The following ATP8A1 variants were observed in gnomAD, a reference collection of about 807,000 sequenced individuals.
The protein encoded by ATP8A1 is phospholipid-transporting ATPase IA.
In ATP8A1, 90 loss-of-function variants were observed where a neutral mutation model predicts 177.7. The observed-to-expected ratio is 0.51, with a 90% CI of 0.43 to 0.60. The LOEUF (loss-of-function observed/expected upper bound fraction) is 0.60, where lower values mean the gene tolerates loss of function less well. ATP8A1 is among the 20% of genes least tolerant of loss of function. The pLI is 0.00. For missense variants in ATP8A1, 1,072 were observed against 1,392.8 expected, an observed-to-expected ratio of 0.77 and a Z score of 3.67; for synonymous variants, 493 against 485.9, an observed-to-expected ratio of 1.01 and a Z score of -0.19.
At chr4:42,478,113 G>C (rs936408725) in intron 25 of ATP8A1, among the ~76,000 whole-genome samples, 2 of 152,122 alleles carry the variant, frequency 1.3e-5, no homozygotes, top group Non-Finnish European at 2.9e-5. Flanking sequence ...CCAGCCCTTT[G>C]GGAGACTGAG....
At position 42,577,583 on chromosome 4, in the gene ATP8A1, G is replaced by T. The variant is rs148093327; in HGVS notation, c.1128+677C>A. Among the ~76,000 whole-genome samples, 368 of 152,170 alleles carry T rather than the reference G, an allele frequency of 2.4e-3. 3 individuals are homozygous for T. The highest frequency in any genetic ancestry group is 8.4e-3 in the African/African-American group (347 of 41,550). On this transcript the variant is annotated intron_variant, in intron 12 of 36. Coordinates refer to ENST00000381668, the MANE Select transcript of ATP8A1 (RefSeq NM_006095.2). The stretch of plus-strand genomic sequence containing the variant: ...AATTTTCTGGCAGATTAGGCCCACA[G>T]ATTTAATTTAGATAAATTCATTAAT...
chr4:42,497,235 T>A (rs774231316), intron 24 of ATP8A1, among the ~76,000 whole-genome samples: 38 of 152,184 alleles, frequency 2.5e-4, no homozygotes, highest in African/African-American at 7.0e-4. Flanking sequence ...AAAGTCTCTA[T>A]CTGGAACTGA....
Position 42,524,745 on chromosome 4 carries a change from TTGCCAAATTACAC to T in ATP8A1, c.1807+5_1807+17del. ...TTCTTTGTATTTTAATCATGCTTTATTGCCAAATTACACTTACCTTCTGTAGCAAACTGCTCTA... is the reference window on the plus strand; with the variant it reads ...TTCTTTGTATTTTAATCATGCTTTATTTACCTTCTGTAGCAAACTGCTCTA... On this transcript the variant is annotated splice_donor_5th_base_variant and intron_variant, in intron 21 of 36. Coordinates refer to ENST00000381668, the MANE Select transcript of ATP8A1 (RefSeq NM_006095.2). 1 of 1,535,834 alleles carries T rather than the reference TTGCCAAATTACAC, an allele frequency of 6.5e-7. No homozygotes were observed. Among genetic ancestry groups the T allele is most frequent in the Non-Finnish European group, 9.0e-7 (1 of 1,115,670 alleles).
At chr4:42,588,406 A>T in intron 7 of ATP8A1, 77 bp from the exon 8 acceptor site, 1 of 1,223,690 alleles carries the variant, frequency 8.2e-7, no homozygotes, top group South Asian at 1.3e-5. Flanking sequence ...AAATGCTCAG[A>T]CTCACTAAAG....
At chr4:42,471,954 C>A in intron 25 of ATP8A1, 1 of 686,736 alleles carries the variant, frequency 1.5e-6, no homozygotes, top group Non-Finnish European at 2.8e-6. Context: ...TTACAGCAGC[C>A]AAAGAGCCTA....
chr4:42,430,951 C>T (rs192320019), intron 33 of ATP8A1, among the ~76,000 whole-genome samples: 2 of 152,032 alleles, frequency 1.3e-5, no homozygotes, highest in South Asian at 2.1e-4. Flanking sequence ...CCCCACCCCA[C>T]CCCATCCTCT....
At chr4:42,594,902 T>C (rs1734574885) in intron 6 of ATP8A1, among the ~76,000 whole-genome samples, 1 of 152,284 alleles carries the variant, frequency 6.6e-6, no homozygotes, top group Non-Finnish European at 1.5e-5. Flanking sequence ...TGCATAATTT[T>C]GTGAAACTAT....
intron 6 of ATP8A1, among the ~76,000 whole-genome samples, chr4:42,599,519 G>A (rs1045627897): frequency 2.6e-5 from 4 of 152,084 alleles, no homozygotes; most frequent in Non-Finnish European, 5.9e-5. Context: ...TATGAAAGAG[G>A]AGATGTCAGT....
chr4:42,516,814 A>C (rs1725586916), intron 22 of ATP8A1, among the ~76,000 whole-genome samples: 1 of 152,220 alleles, frequency 6.6e-6, no homozygotes, highest in South Asian at 2.1e-4. Context: ...AAGTTAGAAT[A>C]AAAGTAAACA....
At chr4:42,450,670 A>G (rs1164835691) in intron 30 of ATP8A1, among the ~76,000 whole-genome samples, 2 of 152,208 alleles carry the variant, frequency 1.3e-5, no homozygotes, top group Non-Finnish European at 2.9e-5. Flanking sequence ...CTTAGCTAGA[A>G]TATGAAACCA....
At position 42,435,766 on chromosome 4, in the gene ATP8A1, T is replaced by C. The variant is rs146649978; in HGVS notation, c.3123+7799A>G. ...TGAGCGTGAAATGCTCTTCTTCATA[T>C]GACAGGTATTCATTCCTGCATCATG... On this transcript the variant is annotated intron_variant, in intron 33 of 36. Coordinates refer to ENST00000381668, the MANE Select transcript of ATP8A1 (RefSeq NM_006095.2). 2.8e-3 allele frequency among the ~76,000 whole-genome samples: 425 copies of C among 152,326 alleles called. 1 individual carries two copies. The highest frequency in any genetic ancestry group is 9.6e-3 in the African/African-American group (398 of 41,572).
At chr4:42,515,309 G>A (rs1725422754) in intron 22 of ATP8A1, among the ~76,000 whole-genome samples, 1 of 152,192 alleles carries the variant, frequency 6.6e-6, no homozygotes, top group African/African-American at 2.4e-5. Context: ...GATATGTGCA[G>A]CTACTAAGAA....
intron 25 of ATP8A1, among the ~76,000 whole-genome samples, chr4:42,479,830 T>C (rs1269757355): frequency 6.6e-6 from 1 of 152,152 alleles, no homozygotes; most frequent in African/African-American, 2.4e-5. Context: ...GGGAGGCTCC[T>C]CAACTAAAGG....
intron 10 of ATP8A1, among the ~76,000 whole-genome samples, chr4:42,581,337 G>T (rs988207148): frequency 1.3e-5 from 2 of 152,140 alleles, no homozygotes; most frequent in African/African-American, 2.4e-5. Flanking sequence ...CTTTCACCGT[G>T]TTAGCCAGCA....
intron 4 of ATP8A1, among the ~76,000 whole-genome samples, chr4:42,616,405 GTTGA>G (rs1736919318): frequency 6.6e-6 from 1 of 152,154 alleles, no homozygotes; most frequent in Admixed American, 6.5e-5. Context: ...AGTATGAAAG[GTTGA>G]TTTAGTATTT....
At chr4:42,652,773 C>T (rs1480571569) in intron 1 of ATP8A1, among the ~76,000 whole-genome samples, 1 of 152,210 alleles carries the variant, frequency 6.6e-6, no homozygotes, top group African/African-American at 2.4e-5. Context: ...GCTCTTTTGC[C>T]TTTGCTCCTC....
At chr4:42,552,353 A>G in intron 17 of ATP8A1, 152 bp downstream of exon 17, 1 of 623,886 alleles carries the variant, frequency 1.6e-6, no homozygotes, top group South Asian at 2.0e-5. Context: ...TCATGTACAT[A>G]TTTAACCTTG....
intron 1 of ATP8A1, among the ~76,000 whole-genome samples, chr4:42,652,033 C>T (rs919058123): frequency 2.0e-5 from 3 of 152,218 alleles, no homozygotes; most frequent in African/African-American, 7.2e-5. Context: ...AATTTTTCCA[C>T]TATCAGGGTT....
At chr4:42,479,623 G>C (rs1721445740) in intron 25 of ATP8A1, among the ~76,000 whole-genome samples, 1 of 152,204 alleles carries the variant, frequency 6.6e-6, no homozygotes. Flanking sequence ...ACTGATGACT[G>C]ATTTTGTAAA....
Sources: gnomAD v4.1 joint callset for allele counts (sites outside exome capture counted in the v4.1 genomes callset) on GRCh38, gnomAD v4.1.1 for gene constraint, MANE v1.5 for transcripts, NCBI Gene and HGNC (gene_info 2026-07-23, HGNC 2026-07-21) for gene names.